Variants in ZFYVE26 observed in about 807,000 individuals in gnomAD.
ZFYVE26 encodes zinc finger FYVE-type containing 26.
In ZFYVE26, 181 loss-of-function variants were observed where a neutral mutation model predicts 276.5. The ratio of observed to expected loss-of-function variants is 0.65; its 90% CI spans 0.58 to 0.74. The LOEUF is 0.74. Among genes scored for constraint, ZFYVE26 ranks in the 30% least tolerant of loss-of-function variants. ZFYVE26 has a pLI of 0.00. For missense variants in ZFYVE26, 2,821 were observed against 3,097.9 expected, an observed-to-expected ratio of 0.91 and a Z score of 2.12; for synonymous variants, 1,129 against 1,203.1, an observed-to-expected ratio of 0.94 and a Z score of 1.27.
At position 67,807,742 on chromosome 14, in the gene ZFYVE26, C is replaced by A; in HGVS notation, c.542G>T (p.Gly181Val). 1 of 1,614,172 alleles carries A rather than the reference C, an allele frequency of 6.2e-7. No individual in the cohort carries two copies. The highest frequency in any genetic ancestry group is 8.5e-7 in the Non-Finnish European group (1 of 1,180,030). ...LLELLLEEDD[G>V]TGLCHWPLQN... Reference sequence around the variant, plus strand: ...CAGAGGCCAGTGACAGAGGCCAGTACCGTCATCCTCCTCAAGCAGGAGCTC... The same window carrying A: ...CAGAGGCCAGTGACAGAGGCCAGTAACGTCATCCTCCTCAAGCAGGAGCTC... The change falls in exon 5 of 42, where the codon GGT becomes GTT. Residue 181 changes from glycine (G) to valine (V), a missense_variant. Coordinates refer to ENST00000347230, the MANE Select transcript of ZFYVE26 (RefSeq NM_015346.4).
intron 13 of ZFYVE26, chr14:67,735,430 G>A (rs2038340762): frequency 1.6e-6 from 1 of 630,484 alleles, no homozygotes; most frequent in African/African-American, 1.8e-5. Context: ...ATCTGAGCAA[G>A]TGAAAGGCCT....
intron 24 of ZFYVE26, 101 bp from the exon 25 acceptor site, chr14:67,777,836 G>A (rs2039387286): frequency 6.8e-7 from 1 of 1,471,944 alleles, no homozygotes; most frequent in African/African-American, 1.4e-5. Flanking sequence ...ACTCATTTTG[G>A]ACTAACCCTT....
intron 36 of ZFYVE26, 27 bp downstream of exon 36, chr14:67,755,921 T>C (rs750214223): frequency 1.9e-6 from 3 of 1,613,600 alleles, no homozygotes; most frequent in South Asian, 2.2e-5. Context: ...GCAACAGAGG[T>C]AGAAGGCAGG....
intron 23 of ZFYVE26, 116 bp from the exon 24 acceptor site, chr14:67,778,364 T>C (rs1270027443): frequency 1.5e-6 from 2 of 1,327,702 alleles, no homozygotes; most frequent in African/African-American, 1.4e-5. Context: ...AACTTCACTA[T>C]GATGAAAATG....
At chr14:67,744,265 ATCC>A, downstream of ZFYVE26, among the ~76,000 whole-genome samples, 1 of 152,292 alleles carries the variant, frequency 6.6e-6, no homozygotes, top group South Asian at 2.1e-4. Flanking sequence ...GCAGTCATCT[ATCC>A]TAGGTTTAGA....
At chr14:67,806,333 G>A (rs901379339) in intron 6 of ZFYVE26, among the ~76,000 whole-genome samples, 1 of 152,168 alleles carries the variant, frequency 6.6e-6, no homozygotes, top group African/African-American at 2.4e-5. Context: ...TCTGCCAAAG[G>A]ACCGATGTAA....
rs201076694 is a variant in ZFYVE26 at position 67,755,993 on chromosome 14, C to T, written c.6741G>A (p.Lys2247=). 2.2e-5 allele frequency: 35 copies of T among 1,614,108 alleles called. No homozygotes were observed. Among genetic ancestry groups the T allele is most frequent in the Non-Finnish European group, 2.9e-5 (34 of 1,180,046 alleles). ...YLIAACQHLQ[K]KNYYHILYEL... ...CATACAGAATGTGGTAGTAGTTCTT[C>T]TTCTGTAAATGTTGGCAGGCAGCAA... Residue 2247 remains lysine (K), a synonymous_variant, in exon 36 of 42, where the codon AAG becomes AAA. Transcript: ENST00000347230.
At chr14:67,751,973 G>A (rs1157205266) in intron 40 of ZFYVE26, among the ~76,000 whole-genome samples, 2 of 152,216 alleles carry the variant, frequency 1.3e-5, no homozygotes, top group African/African-American at 4.8e-5. Flanking sequence ...AATGGATGTG[G>A]CTCTGTTCAC....
chr14:67,748,341 AG>A lies in ZFYVE26; in HGVS notation c.*94del, dbSNP rs1594877798. ...TTCCAACCTAGGGCAGAGCCAGAGA[AG>A]TCCCACTCCACTGGAGGAAAGAGGT... On this transcript the variant is annotated 3_prime_UTR_variant, in exon 42 of 42. Transcript: ENST00000347230. The A allele has an allele frequency of 8.7e-6, 12 of 1,382,958 alleles. No individual in the cohort carries two copies. In the East Asian group the frequency reaches 2.9e-4, roughly 33 times the overall value. The allele number at this position is 1,382,958 out of a possible 1,614,324, so 85.7% of individuals were successfully genotyped here. A position where few individuals can be genotyped will look rare whatever the true frequency, so the allele number is the denominator to read the frequency against.
At chr14:67,795,426 T>A (rs1205191335) in intron 12 of ZFYVE26, among the ~76,000 whole-genome samples, 1 of 152,226 alleles carries the variant, frequency 6.6e-6, no homozygotes, top group Non-Finnish European at 1.5e-5. Flanking sequence ...TCTGTTGCCC[T>A]GACATCTGCA....
rs1015804374 is a variant in ZFYVE26, at chr14:67,752,478, A to G, written c.7237T>C (p.Leu2413=). The change falls in exon 40 of 42, where the codon TTG becomes CTG. Residue 2413 remains leucine, a synonymous_variant. Transcript: ENST00000347230. ...TCACTGTACTTCTCTTTCTCCACCA[A>G]CTGGCGGGCAGCTCTGCAGTAGGTC... ...AMTYCRAARQ[L]VEKEKYSEIQ... 5 of 1,614,008 alleles carry G rather than the reference A, an allele frequency of 3.1e-6. No homozygotes were observed. In the African/African-American group the frequency reaches 6.7e-5, roughly 22 times the overall value.
At chr14:67,743,799 G>A (rs2038448897), downstream of ZFYVE26, among the ~76,000 whole-genome samples, 2 of 152,072 alleles carry the variant, frequency 1.3e-5, no homozygotes, top group Admixed American at 1.3e-4. Context: ...GAACCTTGAG[G>A]AATTTGTCTT....
Position 67,790,669 on chromosome 14 carries a change from C to T in ZFYVE26, c.2658G>A (p.Lys886=). ...VIQELAQVEH[K]IENQNSDAGS... ...CCGCATCTGAGTTCTGGTTTTCAAT[C>T]TTGTGCTCTACTTGGGCCAGTTCTT... The change falls in exon 15 of 42, where the codon AAG becomes AAA. Residue 886 remains lysine (K), a synonymous_variant. Coordinates refer to ENST00000347230, the MANE Select transcript of ZFYVE26 (RefSeq NM_015346.4). The T allele has an allele frequency of 6.2e-7, 1 of 1,614,212 alleles. No individual in the cohort carries two copies. The highest frequency in any genetic ancestry group is 8.5e-7 in the Non-Finnish European group (1 of 1,180,022).
chr14:67,753,521 T>C, intron 39 of ZFYVE26, among the ~76,000 whole-genome samples, 186 bp downstream of exon 39: 1 of 152,208 alleles, frequency 6.6e-6, no homozygotes, highest in Non-Finnish European at 1.5e-5. Flanking sequence ...TTACTTGGCT[T>C]CTGGCAAAGT....
chr14:67,810,408 G>A (rs2140255422), intron 3 of ZFYVE26, among the ~76,000 whole-genome samples: 1 of 152,240 alleles, frequency 6.6e-6, no homozygotes, highest in East Asian at 1.9e-4. Context: ...CTTATTATAT[G>A]CCAGTACCTC....
intron 15 of ZFYVE26, 88 bp from the exon 16 acceptor site, chr14:67,789,686 G>C: frequency 6.4e-7 from 1 of 1,565,304 alleles, no homozygotes; most frequent in South Asian, 1.1e-5. Context: ...CTTTCAAAAT[G>C]TTTGAGGTTC....
At chr14:67,804,286 A>G in intron 8 of ZFYVE26, 22 bp from the exon 9 acceptor site, 1 of 1,613,890 alleles carries the variant, frequency 6.2e-7, no homozygotes, top group Non-Finnish European at 8.5e-7. Flanking sequence ...AGTTGGGAGG[A>G]TGGAAGAGAG....
intron 8 of ZFYVE26, among the ~76,000 whole-genome samples, chr14:67,804,859 A>G (rs571669614): frequency 3.3e-5 from 5 of 152,322 alleles, no homozygotes; most frequent in Non-Finnish European, 5.9e-5. Context: ...TGACTTTTAT[A>G]ATGAAGATAA....
intron 35 of ZFYVE26, among the ~76,000 whole-genome samples, chr14:67,757,028 A>C (rs2038795901): frequency 6.6e-6 from 1 of 151,880 alleles, no homozygotes; most frequent in African/African-American, 2.4e-5. Context: ...CTTTTCCCTC[A>C]CACTCCTTCA....
Sources: allele counts gnomAD v4.1 joint callset (sites outside exome capture counted in the v4.1 genomes callset), GRCh38; gene constraint gnomAD v4.1.1; transcripts MANE v1.5; gene names NCBI Gene and HGNC (gene_info 2026-07-23, HGNC 2026-07-21).